Variants in RALGPS1 observed in about 807,000 individuals in gnomAD.
RALGPS1 encodes ras-specific guanine nucleotide-releasing factor RalGPS1.
RALGPS1 carries 19 observed loss-of-function variants against 78.8 expected under a neutral mutation model. That is an observed-to-expected ratio of 0.24 (90% CI 0.17 to 0.35). The LOEUF (loss-of-function observed/expected upper bound fraction) is 0.35, where lower values mean the gene tolerates loss of function less well. Among genes scored for constraint, RALGPS1 ranks in the 10% least tolerant of loss-of-function variants. The pLI is 1.00. For synonymous variants in RALGPS1, 228 were observed against 256.3 expected, an observed-to-expected ratio of 0.89 and a Z score of 1.06; for missense variants, 454 against 688.3, an observed-to-expected ratio of 0.66 and a Z score of 3.81.
chr9:127,099,056 G>A (rs893222403), intron 8 of RALGPS1, among the ~76,000 whole-genome samples: 9 of 152,200 alleles, frequency 5.9e-5, no homozygotes, highest in Non-Finnish European at 1.0e-4. Context: ...TCTCTCTGAC[G>A]TGCCTGAGGT....
intron 8 of RALGPS1, 55 bp from the exon 9 acceptor site, chr9:127,166,014 T>G: frequency 6.4e-7 from 1 of 1,555,004 alleles, no homozygotes; most frequent in Non-Finnish European, 8.6e-7. Flanking sequence ...TTGTGCTATT[T>G]TGTTCTGGTT....
chr9:127,078,760 T>A (rs924790734), intron 8 of RALGPS1, among the ~76,000 whole-genome samples: 5 of 152,176 alleles, frequency 3.3e-5, no homozygotes, highest in African/African-American at 1.2e-4. Context: ...CAAGAAAAAG[T>A]GTTTTCATGG....
At chr9:127,008,696 A>G (rs544788933) in intron 4 of RALGPS1, among the ~76,000 whole-genome samples, 51 of 152,322 alleles carry the variant, frequency 3.3e-4, no homozygotes, top group African/African-American at 1.2e-3. Context: ...ATCCTGCTCT[A>G]CCACAACCAG....
At chr9:127,068,997 C>G (rs1213902007) in intron 7 of RALGPS1, among the ~76,000 whole-genome samples, 1 of 152,166 alleles carries the variant, frequency 6.6e-6, no homozygotes, top group East Asian at 1.9e-4. Context: ...TGCCTCGTCC[C>G]TGTTTTAGCT....
At chr9:127,113,416 C>T (rs867169785) in intron 8 of RALGPS1, among the ~76,000 whole-genome samples, 8 of 150,698 alleles carry the variant, frequency 5.3e-5, no homozygotes, top group East Asian at 2.0e-4. Flanking sequence ...GCCAGTTTGG[C>T]GGCTCTTAAT....
At chr9:126,964,834 A>G (rs974048671) in intron 2 of RALGPS1, among the ~76,000 whole-genome samples, 4 of 152,214 alleles carry the variant, frequency 2.6e-5, no homozygotes, top group South Asian at 4.1e-4. Context: ...GAAGATTACA[A>G]AGTTTTTCCA....
chr9:127,073,411 G>A (rs2050375916), intron 8 of RALGPS1, among the ~76,000 whole-genome samples: 1 of 151,310 alleles, frequency 6.6e-6, no homozygotes. Flanking sequence ...GCAAATGACA[G>A]GATTTCATTC....
At chr9:127,210,021 T>C (rs1395108701) in intron 14 of RALGPS1, among the ~76,000 whole-genome samples, 1 of 152,040 alleles carries the variant, frequency 6.6e-6, no homozygotes, top group East Asian at 1.9e-4. Flanking sequence ...ACAGAGAGGC[T>C]AAAGGAGAAA....
chr9:127,167,353 G>A (rs2059345552), intron 9 of RALGPS1, among the ~76,000 whole-genome samples: 1 of 152,232 alleles, frequency 6.6e-6, no homozygotes, highest in Admixed American at 6.5e-5. Context: ...GGTTTCGCCT[G>A]GCCTGGGCCA....
rs532792412 is a variant in RALGPS1, at chr9:127,122,178, C to G, written c.611-43891C>G. 6.6e-6 allele frequency: 1 copy of G among 152,356 alleles called. No homozygotes were observed. Among genetic ancestry groups the G allele is most frequent in the Non-Finnish European group, 1.5e-5 (1 of 68,090 alleles). 9.4% of individuals were successfully genotyped at this position (152,356 alleles called of 1,614,324 possible). ...CGGACATGCCTCGTTTGGCTCCAAG[C>G]GATAGCAGGGAGTGACCCTCTGAGA... On this transcript the variant is annotated intron_variant, in intron 8 of 18. Coordinates refer to ENST00000259351, the MANE Select transcript of RALGPS1 (RefSeq NM_014636.3). This position sits in a 1 kb window ranked among gnomAD's most constrained non-coding sequence, Gnocchi z 6.4.
Position 127,165,444 on chromosome 9 carries a change from A to C in RALGPS1, c.611-625A>C, listed in dbSNP as rs938079037. On this transcript the variant is annotated intron_variant, in intron 8 of 18. Transcript: ENST00000259351. ...TCTTTTAGACATAGGTTTGATCTTC[A>C]AAAGCTTTGCAGACTACATGTTACT... Among the ~76,000 whole-genome samples, 3 of 152,274 alleles carry C rather than the reference A, an allele frequency of 2.0e-5. No individual in the cohort carries two copies. In the South Asian group the frequency reaches 6.2e-4, roughly 31 times the overall value.
chr9:127,203,662 A>G (rs1224349351), intron 14 of RALGPS1, among the ~76,000 whole-genome samples: 1 of 152,134 alleles, frequency 6.6e-6, no homozygotes, highest in African/African-American at 2.4e-5. Context: ...AGGTGAGGGA[A>G]TGGGTCAGAG....
intron 4 of RALGPS1, among the ~76,000 whole-genome samples, chr9:127,004,053 A>T (rs765466300): frequency 1.3e-5 from 2 of 152,112 alleles, no homozygotes; most frequent in East Asian, 3.9e-4. Context: ...ACTTTATCCA[A>T]TTTTTATGGT....
intron 5 of RALGPS1, among the ~76,000 whole-genome samples, chr9:127,048,148 C>T (rs2047979539): frequency 6.6e-6 from 1 of 152,018 alleles, no homozygotes; most frequent in African/African-American, 2.4e-5. Context: ...TTGCACCAGT[C>T]CTCCCCTCCT....
chr9:127,061,667 T>C (rs1053274222), intron 7 of RALGPS1, among the ~76,000 whole-genome samples: 4 of 152,220 alleles, frequency 2.6e-5, no homozygotes, highest in Non-Finnish European at 4.4e-5. Flanking sequence ...TCTGTGCTTG[T>C]TGAAATCCCT....
intron 8 of RALGPS1, among the ~76,000 whole-genome samples, chr9:127,145,566 C>G (rs1477082016): frequency 1.3e-5 from 2 of 152,204 alleles, no homozygotes; most frequent in Admixed American, 1.3e-4. Flanking sequence ...TTAAGTAACT[C>G]CAAGGCACCA....
At chr9:127,178,603 AC>A (rs1316651030) in intron 11 of RALGPS1, 3 of 533,124 alleles carry the variant, frequency 5.6e-6, no homozygotes, top group Non-Finnish European at 7.2e-6. Context: ...CCCCACTATC[AC>A]CCCCACCCCC....
intron 4 of RALGPS1, among the ~76,000 whole-genome samples, chr9:127,016,410 A>T (rs1216503473): frequency 2.6e-5 from 4 of 152,174 alleles, no homozygotes; most frequent in Admixed American, 1.3e-4. Flanking sequence ...GCTATATTTT[A>T]TAGAGAGTAA....
intron 4 of RALGPS1, among the ~76,000 whole-genome samples, chr9:126,990,471 T>C (rs1472402275): frequency 1.3e-5 from 2 of 152,194 alleles, no homozygotes; most frequent in African/African-American, 2.4e-5. Context: ...TCATGCAGCC[T>C]CCCAGGCTCT....
Sources: allele counts gnomAD v4.1 joint callset (sites outside exome capture counted in the v4.1 genomes callset), GRCh38; gene constraint gnomAD v4.1.1; non-coding constraint Gnocchi (gnomAD v3.1); transcripts MANE v1.5; gene names NCBI Gene and HGNC (gene_info 2026-07-23, HGNC 2026-07-21).